OPCML: variants seen among roughly 807,000 people sequenced by gnomAD.
OPCML encodes opioid binding protein/cell adhesion molecule like.
OPCML carries 13 observed loss-of-function variants against 37.8 expected under a neutral mutation model. The observed-to-expected ratio is 0.34, with a 90% confidence interval of 0.22 to 0.55. OPCML has a LOEUF of 0.55. Among genes scored for constraint, OPCML ranks in the 20% least tolerant of loss-of-function variants. OPCML has a pLI of 0.91. For synonymous variants in OPCML, 176 were observed against 168.8 expected (o/e 1.04, Z -0.33); for missense variants, 341 against 435.6 (o/e 0.78, Z 1.93).
At chr11:132,521,142 C>CT (rs996740755) in intron 4 of OPCML, among the ~76,000 whole-genome samples, 83 of 152,186 alleles carry the variant, frequency 5.5e-4, no homozygotes, top group African/African-American at 1.9e-3. Flanking sequence ...TGATGATGAG[C>CT]TTTTTTTCAT....
chr11:132,989,602 CGTGTGTGTGTGTGT>C (rs72145712), intron 1 of OPCML, among the ~76,000 whole-genome samples: 17,417 of 139,490 alleles, frequency 0.12, 1,120 homozygotes, highest in Non-Finnish European at 0.15. Flanking sequence ...GGTCCTAGAG[CGTGTGTGTGTGTGT>C]GTGTGTGTGT....
At chr11:132,499,652 C>G (rs770064149) in intron 4 of OPCML, among the ~76,000 whole-genome samples, 6 of 152,182 alleles carry the variant, frequency 3.9e-5, no homozygotes, top group Non-Finnish European at 7.3e-5. Context: ...CCTCTCTGAT[C>G]TTAGACAATT....
intron 1 of OPCML, among the ~76,000 whole-genome samples, chr11:132,977,971 C>T (rs533811206): frequency 1.3e-5 from 2 of 152,216 alleles, no homozygotes; most frequent in South Asian, 2.1e-4. Flanking sequence ...AGAGGAGACA[C>T]GGAAGTCCTG....
At chr11:133,191,917 A>G (rs1236278679) in intron 1 of OPCML, among the ~76,000 whole-genome samples, 1 of 152,174 alleles carries the variant, frequency 6.6e-6, no homozygotes, top group Non-Finnish European at 1.5e-5. Flanking sequence ...CTTTTGGTGA[A>G]TGGTCTGCTT....
intron 2 of OPCML, among the ~76,000 whole-genome samples, chr11:132,910,751 T>G (rs1944402030): frequency 6.6e-6 from 1 of 152,240 alleles, no homozygotes; most frequent in Admixed American, 6.5e-5. Flanking sequence ...AAAGCTCATT[T>G]TCATGATGAT....
At chr11:132,585,727 C>A (rs1157614150) in intron 3 of OPCML, among the ~76,000 whole-genome samples, 1 of 152,136 alleles carries the variant, frequency 6.6e-6, no homozygotes, top group African/African-American at 2.4e-5. Flanking sequence ...TTTGTACAAT[C>A]TAAAGAAATC....
chr11:132,618,462 C>T (rs1287149759), intron 3 of OPCML, among the ~76,000 whole-genome samples: 1 of 152,052 alleles, frequency 6.6e-6, no homozygotes, highest in Admixed American at 6.5e-5. Flanking sequence ...GAGATGGCAC[C>T]ATTGCACTCC....
intron 2 of OPCML, among the ~76,000 whole-genome samples, chr11:132,676,379 G>T (rs866057113): frequency 5.3e-5 from 8 of 151,532 alleles, no homozygotes; most frequent in Non-Finnish European, 7.4e-5. Context: ...TTAAGCAAAT[G>T]GTTTCTTATA....
intron 1 of OPCML, among the ~76,000 whole-genome samples, chr11:133,062,816 C>T (rs1565426432): frequency 6.6e-6 from 1 of 152,236 alleles, no homozygotes; most frequent in Non-Finnish European, 1.5e-5. Context: ...ATCGTTCCCG[C>T]CCCTGAGCCT....
chr11:133,148,619 C>A (rs1307144917), intron 1 of OPCML, among the ~76,000 whole-genome samples: 3 of 152,110 alleles, frequency 2.0e-5, no homozygotes, highest in Non-Finnish European at 4.4e-5. Flanking sequence ...ATCCCACCGC[C>A]CTGCAGGGGG....
chr11:133,406,670 C>T (rs1259544387), intron 1 of OPCML, among the ~76,000 whole-genome samples: 4 of 152,114 alleles, frequency 2.6e-5, no homozygotes, highest in Non-Finnish European at 4.4e-5. Flanking sequence ...TAATTAAAAG[C>T]CAGGCCTGTG....
chr11:133,520,087 C>T (rs1591593960), intron 1 of OPCML, among the ~76,000 whole-genome samples: 1 of 152,192 alleles, frequency 6.6e-6, no homozygotes, highest in South Asian at 2.1e-4. Flanking sequence ...CTCCACCCCA[C>T]CCCAGGCAAG....
At chr11:132,970,096 T>C (rs1459489437) in intron 1 of OPCML, among the ~76,000 whole-genome samples, 3 of 152,182 alleles carry the variant, frequency 2.0e-5, no homozygotes, top group African/African-American at 7.2e-5. Flanking sequence ...GACTCATCCA[T>C]CTCCCTCTTC....
chr11:133,212,423 T>C lies in OPCML; in HGVS notation c.62-269413A>G, dbSNP rs1939400739. Among the ~76,000 whole-genome samples the C allele has an allele frequency of 6.6e-6, 1 of 152,110 alleles. No individual in the cohort carries two copies. The highest frequency in any genetic ancestry group is 6.5e-5 in the Admixed American group (1 of 15,274). On this transcript the variant is annotated intron_variant, in intron 1 of 7. Transcript: ENST00000524381. The surrounding 1 kb of genome is among the most constrained non-coding windows in gnomAD (Gnocchi z 4.9). ...ACATCAAGAATTTCGTATGCCCTGC[T>C]TCCACTTCCTGGAAAGCTCTTTCCC...
chr11:133,422,377 TTA>T (rs10525519), intron 1 of OPCML: 4,835 of 737,452 alleles, frequency 6.6e-3, no homozygotes, highest in Non-Finnish European at 7.0e-3. Context: ...ACCAAAGACA[TTA>T]TATATATATA....
At chr11:133,356,120 T>A in intron 1 of OPCML, among the ~76,000 whole-genome samples, 1 of 152,168 alleles carries the variant, frequency 6.6e-6, no homozygotes, top group East Asian at 1.9e-4. Context: ...TAAGCTGGAA[T>A]CTCTCTTCCC....
chr11:133,481,261 A>G (rs1947364535), intron 1 of OPCML, among the ~76,000 whole-genome samples: 1 of 152,164 alleles, frequency 6.6e-6, no homozygotes, highest in Non-Finnish European at 1.5e-5. Flanking sequence ...ACAATCAAAT[A>G]TAACATTAGA....
chr11:133,291,650 A>G lies in OPCML; in HGVS notation c.61+240614T>C, dbSNP rs751299370. ...CCACTGCTTCTTATTTTTTTGGCAA[A>G]CGGTGAGATCACACAGGCTTATAGC... On this transcript the variant is annotated intron_variant, in intron 1 of 7. Transcript: ENST00000524381. Among the ~76,000 whole-genome samples the G allele has an allele frequency of 2.7e-4, 41 of 152,116 alleles. 1 individual carries two copies. Among genetic ancestry groups the G allele is most frequent in the South Asian group, 4.1e-4 (2 of 4,832 alleles).
chr11:133,116,607 A>G (rs1162858297), intron 1 of OPCML, among the ~76,000 whole-genome samples: 18 of 152,154 alleles, frequency 1.2e-4, no homozygotes. Flanking sequence ...TTTGGCAGGA[A>G]TACCTAGAAG....
Sources: gnomAD v4.1 joint callset for allele counts (sites outside exome capture counted in the v4.1 genomes callset) on GRCh38, gnomAD v4.1.1 for gene constraint, Gnocchi (gnomAD v3.1) non-coding constraint, MANE v1.5 for transcripts, NCBI Gene and HGNC (gene_info 2026-07-23, HGNC 2026-07-21) for gene names.